The following PRKG1 variants were observed in gnomAD, a reference collection of about 807,000 sequenced individuals.
PRKG1 encodes protein kinase cGMP-dependent 1, also known as cGMP-dependent protein kinase 1.
Under a neutral mutation model 88.1 loss-of-function variants are expected in PRKG1, and 35 were observed. That is an observed-to-expected ratio of 0.40 (90% confidence interval 0.30 to 0.53). The LOEUF (loss-of-function observed/expected upper bound fraction) is 0.53, where lower values mean the gene tolerates loss of function less well. Ranked by LOEUF, PRKG1 falls within the 20% of genes least tolerant of loss-of-function variation. The pLI is 0.59. For missense variants in PRKG1, 540 were observed against 839.8 expected (o/e 0.64, Z 4.41); for synonymous variants, 303 against 292.5 (o/e 1.04, Z -0.37).
intron 2 of PRKG1, among the ~76,000 whole-genome samples, chr10:51,256,934 G>C (rs1417148431): frequency 6.6e-6 from 1 of 152,034 alleles, no homozygotes; most frequent in African/African-American, 2.4e-5. Flanking sequence ...AGAATGGGAT[G>C]TGAGAGAGAA....
At chr10:51,981,521 G>C (rs1030615752) in intron 5 of PRKG1, among the ~76,000 whole-genome samples, 66 of 152,216 alleles carry the variant, frequency 4.3e-4, no homozygotes, top group Admixed American at 3.9e-4. Flanking sequence ...GGGAGGCATA[G>C]GTTGGAGTTA....
chr10:51,688,353 A>G (rs894647407), intron 3 of PRKG1, among the ~76,000 whole-genome samples: 3 of 152,134 alleles, frequency 2.0e-5, no homozygotes, highest in Admixed American at 6.5e-5. Flanking sequence ...TCCTCAGTAT[A>G]TAACATCACA....
Position 51,809,006 on chromosome 10 carries a change from TA to T in PRKG1, c.698+4319del, listed in dbSNP as rs1251909863. 4.6e-5 allele frequency among the ~76,000 whole-genome samples: 7 copies of T among 152,170 alleles called. 1 individual carries two copies. Among genetic ancestry groups the T allele is most frequent in the Non-Finnish European group, 7.3e-5 (5 of 68,030 alleles). ...CACTGTTTCTTCTCATTTTTCTGAA[TA>T]AACACGTAAGTTTGGAGGAGGAGAA... On this transcript the variant is annotated intron_variant, in intron 4 of 17. Transcript: ENST00000373980.
rs543787070 is a variant in PRKG1 at position 51,975,120 on chromosome 10, T to C, written c.762+67550T>C. On this transcript the variant is annotated intron_variant, in intron 5 of 17. Transcript: ENST00000373980. Reference sequence around the variant, plus strand: ...TACATGCTGAGTGCATTAAATGTGTTACCTCTTCAATTGCAAGATATTTAT... The same window carrying C: ...TACATGCTGAGTGCATTAAATGTGTCACCTCTTCAATTGCAAGATATTTAT... 6.6e-5 allele frequency among the ~76,000 whole-genome samples: 10 copies of C among 152,238 alleles called. No individual in the cohort carries two copies. The East Asian group carries it at 1.5e-3, about 23-fold the overall frequency.
intron 3 of PRKG1, among the ~76,000 whole-genome samples, chr10:51,558,425 T>G (rs1342993447): frequency 1.3e-5 from 2 of 152,090 alleles, no homozygotes; most frequent in Admixed American, 6.6e-5. Flanking sequence ...AAAAATTAAT[T>G]TATTTATTCC....
At chr10:51,138,628 G>A (rs1200136200) in intron 1 of PRKG1, among the ~76,000 whole-genome samples, 3 of 140,516 alleles carry the variant, frequency 2.1e-5, no homozygotes, top group African/African-American at 5.2e-5. Flanking sequence ...TTGCTATTTT[G>A]CTTTGATAAA....
rs1023481704 is a variant in PRKG1 at position 51,451,073 on chromosome 10, T to A, written c.479-16650T>A. Among the ~76,000 whole-genome samples the A allele has an allele frequency of 9.9e-5, 15 of 151,838 alleles. 1 individual carries two copies. Among genetic ancestry groups the A allele is most frequent in the African/African-American group, 3.1e-4 (13 of 41,392 alleles). ...TTTTAAGTGCATAAAATACACTACT[T>A]TCGACTACCAAAACAACTATTTATA... On this transcript the variant is annotated intron_variant, in intron 2 of 17. Coordinates refer to ENST00000373980, the MANE Select transcript of PRKG1 (RefSeq NM_006258.4).
intron 4 of PRKG1, among the ~76,000 whole-genome samples, chr10:51,891,592 A>G (rs536616306): frequency 6.6e-6 from 1 of 152,302 alleles, no homozygotes; most frequent in African/African-American, 2.4e-5. Context: ...CATTAAGCTG[A>G]AGGAATTGGA....
chr10:52,065,775 C>A (rs1237608265), intron 7 of PRKG1, among the ~76,000 whole-genome samples: 1 of 152,154 alleles, frequency 6.6e-6, no homozygotes, highest in African/African-American at 2.4e-5. Flanking sequence ...AATGTATCAT[C>A]TGTATCTTAA....
chr10:52,222,161 C>T (rs1412319826), intron 9 of PRKG1, among the ~76,000 whole-genome samples: 1 of 152,094 alleles, frequency 6.6e-6, no homozygotes, highest in Non-Finnish European at 1.5e-5. Flanking sequence ...AGACTCCCGT[C>T]CCTTTGATGA....
chr10:52,168,461 G>C (rs1467046748), intron 9 of PRKG1, among the ~76,000 whole-genome samples: 1 of 152,150 alleles, frequency 6.6e-6, no homozygotes, highest in East Asian at 1.9e-4. Flanking sequence ...ACAAAAGAGA[G>C]AAGGAGATCA....
At chr10:51,740,473 A>C (rs1299094541) in intron 3 of PRKG1, among the ~76,000 whole-genome samples, 2 of 152,284 alleles carry the variant, frequency 1.3e-5, no homozygotes, top group African/African-American at 4.8e-5. Flanking sequence ...TTCTCAAACA[A>C]ATTTTGTGAT....
rs553290398 is a variant in PRKG1, at chr10:51,196,492, A to G, written c.478+43162A>G. 3.9e-5 allele frequency among the ~76,000 whole-genome samples: 6 copies of G among 152,312 alleles called. No homozygotes were observed. In the South Asian group the frequency reaches 1.2e-3, roughly 32 times the overall value. On this transcript the variant is annotated intron_variant, in intron 2 of 17. Coordinates refer to ENST00000373980, the MANE Select transcript of PRKG1 (RefSeq NM_006258.4). ...CACTAGAAACCTTTGTCAGTGACAGATAATAAAGAAAGGAACCTAATAAAA... is the reference window on the plus strand; with the variant it reads ...CACTAGAAACCTTTGTCAGTGACAGGTAATAAAGAAAGGAACCTAATAAAA...
intron 7 of PRKG1, among the ~76,000 whole-genome samples, chr10:52,085,329 C>T (rs911820267): frequency 5.8e-5 from 8 of 138,894 alleles, no homozygotes; most frequent in African/African-American, 1.8e-4. Flanking sequence ...ATATTTTTAA[C>T]AATGACTGCA....
intron 3 of PRKG1, among the ~76,000 whole-genome samples, chr10:51,733,385 G>A (rs1837170019): frequency 6.6e-6 from 1 of 152,126 alleles, no homozygotes. Context: ...GTTTTCCACA[G>A]GATTCTTCTT....
intron 9 of PRKG1, among the ~76,000 whole-genome samples, chr10:52,216,165 G>T (rs1292930772): frequency 2.0e-5 from 3 of 152,108 alleles, no homozygotes; most frequent in Non-Finnish European, 4.4e-5. Context: ...GACTACAGAT[G>T]GTTCTTTTGA....
chr10:51,262,431 G>A (rs1839736336), intron 2 of PRKG1, among the ~76,000 whole-genome samples: 1 of 152,014 alleles, frequency 6.6e-6, no homozygotes. Context: ...TTCTCTGGCA[G>A]GTCTTCTGAT....
At chr10:52,069,538 A>AC (rs1166618599) in intron 7 of PRKG1, among the ~76,000 whole-genome samples, 24 of 151,612 alleles carry the variant, frequency 1.6e-4, no homozygotes, top group African/African-American at 3.1e-4. Flanking sequence ...TCAAAAACAA[A>AC]AAAGAAAAGA....
chr10:51,451,871 T>A (rs1839447709), intron 2 of PRKG1, among the ~76,000 whole-genome samples: 1 of 143,514 alleles, frequency 7.0e-6, no homozygotes, highest in East Asian at 2.1e-4. Context: ...TGGTGAAACA[T>A]GTGTTATAAT....
Sources: gnomAD v4.1 joint callset for allele counts (sites outside exome capture counted in the v4.1 genomes callset) on GRCh38, gnomAD v4.1.1 for gene constraint, MANE v1.5 for transcripts, NCBI Gene and HGNC (gene_info 2026-07-23, HGNC 2026-07-21) for gene names.